Variants in PAIP2B observed in about 807,000 individuals in gnomAD.
The protein encoded by PAIP2B is poly(A) binding protein interacting protein 2B.
In PAIP2B, 13 loss-of-function variants were observed where a neutral mutation model predicts 17.0. That is an observed-to-expected ratio of 0.76 (90% CI 0.50 to 1.22). The LOEUF is 1.22. Among genes scored for constraint, PAIP2B ranks in the 50% most tolerant of loss-of-function variants. The probability of loss-of-function intolerance (pLI) is 0.00; values close to 1 mark genes in which losing one functional copy is unlikely to be tolerated. For synonymous variants in PAIP2B, 43 were observed against 48.7 expected (o/e 0.88, Z 0.48); for missense variants, 117 against 144.5 (o/e 0.81, Z 0.98).
intron 2 of PAIP2B, among the ~76,000 whole-genome samples, chr2:71,190,495 CA>C (rs1388286024): frequency 3.0e-4 from 46 of 152,136 alleles, no homozygotes; most frequent in Non-Finnish European, 6.0e-4. Context: ...TCTAAGGATT[CA>C]ATGCGCCTAA....
rs1675004868 is a variant in PAIP2B, at chr2:71,202,325, C to T, written c.138+127G>A. The T allele has an allele frequency of 4.1e-6, 5 of 1,226,970 alleles. No homozygotes were observed. In the South Asian group the frequency reaches 8.0e-5, roughly 20 times the overall value. The allele number at this position is 1,226,970 out of a possible 1,614,324, so 76.0% of individuals were successfully genotyped here. On this transcript the variant is annotated intron_variant, in intron 2 of 3. Coordinates refer to ENST00000244221, the MANE Select transcript of PAIP2B (RefSeq NM_020459.1). ...GGTCATTCCAGATGAGGCCCCCCAC[C>T]AATGAATTTTTAAGTTATTCTAAAG...
At chr2:71,203,861 G>A (rs574491114) in intron 1 of PAIP2B, among the ~76,000 whole-genome samples, 3 of 151,758 alleles carry the variant, frequency 2.0e-5, no homozygotes, top group South Asian at 4.2e-4. Flanking sequence ...CTACAGCTTC[G>A]TAAAATTGTA....
At position 71,185,085 on chromosome 2, in the gene PAIP2B, CT is replaced by C. The variant is rs1331115337; in HGVS notation, c.*3393del. 2 of 152,172 alleles carry C rather than the reference CT, an allele frequency of 1.3e-5. No homozygotes were observed. The highest frequency in any genetic ancestry group is 2.9e-5 in the Non-Finnish European group (2 of 68,052). 9.4% of individuals were successfully genotyped at this position (152,172 alleles called of 1,614,324 possible). ...CCTAGTACAAGAAGATTCATTCGTG[CT>C]GTTTACTTTGGCAGCCTCTTCACAC... is the stretch of plus-strand genomic sequence containing the variant. On this transcript the variant is annotated 3_prime_UTR_variant, in exon 4 of 4. Coordinates refer to ENST00000244221, the MANE Select transcript of PAIP2B (RefSeq NM_020459.1).
chr2:71,221,418 C>A (rs925894716), intron 1 of PAIP2B, among the ~76,000 whole-genome samples: 1 of 152,148 alleles, frequency 6.6e-6, no homozygotes. Flanking sequence ...CTCTGGGAAG[C>A]CTTTCTATCC....
intron 2 of PAIP2B, among the ~76,000 whole-genome samples, chr2:71,199,477 T>G (rs1674919806): frequency 6.6e-6 from 1 of 152,106 alleles, no homozygotes. Flanking sequence ...ATTTTCCATC[T>G]TTTTCTGTGG....
Position 71,187,357 on chromosome 2 carries a change from AG to A in PAIP2B, c.*1121del, listed in dbSNP as rs1674566574. 1 of 152,234 alleles carries A rather than the reference AG, an allele frequency of 6.6e-6. No individual in the cohort carries two copies. The highest frequency in any genetic ancestry group is 2.4e-5 in the African/African-American group (1 of 41,466). 9.4% of individuals were successfully genotyped at this position (152,234 alleles called of 1,614,324 possible). A position where few individuals can be genotyped will look rare whatever the true frequency, so the allele number is the denominator to read the frequency against. On this transcript the variant is annotated 3_prime_UTR_variant, in exon 4 of 4. Coordinates refer to ENST00000244221, the MANE Select transcript of PAIP2B (RefSeq NM_020459.1). ...AAAGATCCCAGAAGGTCAGGTACAC[AG>A]TCACATGGGTCAAGCAGGACTCACT... is the stretch of plus-strand genomic sequence containing the variant.
At chr2:71,216,880 T>G (rs993596372) in intron 1 of PAIP2B, among the ~76,000 whole-genome samples, 3 of 152,230 alleles carry the variant, frequency 2.0e-5, no homozygotes, top group Non-Finnish European at 2.9e-5. Flanking sequence ...CTCCATCCAA[T>G]GTATTTTATT....
intron 1 of PAIP2B, among the ~76,000 whole-genome samples, chr2:71,221,035 A>G (rs1295904730): frequency 3.3e-5 from 5 of 152,230 alleles, no homozygotes; most frequent in Non-Finnish European, 5.9e-5. Context: ...ATTTCACTAC[A>G]GTGTAATCAT....
At chr2:71,219,866 C>T (rs898949992) in intron 1 of PAIP2B, among the ~76,000 whole-genome samples, 5 of 152,196 alleles carry the variant, frequency 3.3e-5, no homozygotes, top group South Asian at 2.1e-4. Context: ...TGCAAACACA[C>T]GTATATTCTT....
chr2:71,190,106 A>G, intron 2 of PAIP2B, 85 bp from the exon 3 acceptor site: 1 of 1,314,434 alleles, frequency 7.6e-7, no homozygotes, highest in Non-Finnish European at 1.0e-6. Flanking sequence ...TTTCCTTCAG[A>G]AGGTATTACT....
intron 2 of PAIP2B, among the ~76,000 whole-genome samples, chr2:71,197,817 A>C (rs1674860863): frequency 6.6e-6 from 1 of 152,210 alleles, no homozygotes. Context: ...AAACCATCAA[A>C]TCTCGTGAGA....
At position 71,202,561 on chromosome 2, in the gene PAIP2B, G is replaced by C; in HGVS notation, c.29C>G (p.Ser10Ter). ...GTCCTCTTTGGATTTTACACTCGGTGATGTATTTGCCATATTGGATCCATT... is the reference window on the plus strand; with the variant it reads ...GTCCTCTTTGGATTTTACACTCGGTCATGTATTTGCCATATTGGATCCATT... Reference protein sequence around the residue: MNGSNMANTSPSVKSKEDQG... With the variant: MNGSNMANT Residue 10 changes from serine (S) to a stop codon, truncating the protein, a stop_gained, in exon 2 of 4, where the codon TCA becomes TGA. Coordinates refer to ENST00000244221, the MANE Select transcript of PAIP2B (RefSeq NM_020459.1). LOFTEE classifies it high-confidence loss of function. 1 of 1,613,564 alleles carries C rather than the reference G, an allele frequency of 6.2e-7. No individual in the cohort carries two copies. The highest frequency in any genetic ancestry group is 8.5e-7 in the Non-Finnish European group (1 of 1,179,618).
At chr2:71,214,046 G>A (rs113482592) in intron 1 of PAIP2B, among the ~76,000 whole-genome samples, 3,776 of 152,146 alleles carry the variant, frequency 0.025, 75 homozygotes, top group Non-Finnish European at 0.037. Context: ...TCACTATGAT[G>A]TCCAGACTGG....
intron 1 of PAIP2B, among the ~76,000 whole-genome samples, chr2:71,213,717 C>T (rs6724890): frequency 0.15 from 22,071 of 152,028 alleles, 1,841 homozygotes; most frequent in South Asian, 0.3. Context: ...AACGGTGAGA[C>T]TTAAGTATGA....
At chr2:71,215,991 A>G (rs1675421495) in intron 1 of PAIP2B, among the ~76,000 whole-genome samples, 1 of 152,198 alleles carries the variant, frequency 6.6e-6, no homozygotes, top group Non-Finnish European at 1.5e-5. Flanking sequence ...CAGTTGAGGT[A>G]CAAATCCTAT....
Position 71,190,023 on chromosome 2 carries a change from T to C in PAIP2B, c.139-2A>G. 2 of 1,608,966 alleles carry C rather than the reference T, an allele frequency of 1.2e-6. No homozygotes were observed. Among genetic ancestry groups the C allele is most frequent in the Admixed American group, 1.7e-5 (1 of 59,478 alleles). ...TTGCTCCTGCAGTTCCTCCTCCACC[T>C]AGCAAGCAAAGGGGAGCAGCTCAGA... On this transcript the variant is annotated splice_acceptor_variant, in intron 2 of 3. Transcript: ENST00000244221. LOFTEE classifies it high-confidence loss of function.
At chr2:71,205,871 GT>G (rs1374154211) in intron 1 of PAIP2B, among the ~76,000 whole-genome samples, 1 of 152,142 alleles carries the variant, frequency 6.6e-6, no homozygotes, top group Non-Finnish European at 1.5e-5. Context: ...CATGTTGTGA[GT>G]TACATTACAG....
At chr2:71,222,146 C>T (rs1675598698) in intron 1 of PAIP2B, among the ~76,000 whole-genome samples, 1 of 152,204 alleles carries the variant, frequency 6.6e-6, no homozygotes, top group South Asian at 2.1e-4. Flanking sequence ...AGGTCTGGGG[C>T]TCCATTCTTG....
At chr2:71,220,923 C>T (rs1675566292) in intron 1 of PAIP2B, among the ~76,000 whole-genome samples, 1 of 152,246 alleles carries the variant, frequency 6.6e-6, no homozygotes, top group African/African-American at 2.4e-5. Flanking sequence ...ACCCATCTGT[C>T]TCCCTTGATT....
Sources: allele counts gnomAD v4.1 joint callset (sites outside exome capture counted in the v4.1 genomes callset), GRCh38; gene constraint gnomAD v4.1.1; transcripts MANE v1.5; gene names NCBI Gene and HGNC (gene_info 2026-07-23, HGNC 2026-07-21).